Variants in AARS2 observed in about 807,000 individuals in gnomAD.
AARS2 encodes the protein alanine--tRNA ligase, mitochondrial.
In AARS2, 78 loss-of-function variants were observed where a neutral mutation model predicts 119.7. That is an observed-to-expected ratio of 0.65 (90% CI 0.54 to 0.79). The LOEUF is 0.79. Ranked by LOEUF, AARS2 falls within the 30% of genes least tolerant of loss-of-function variation. The pLI, the probability that AARS2 is intolerant of heterozygous loss-of-function variation, is 0.00. For synonymous variants in AARS2, 502 were observed against 526.3 expected (o/e 0.95, Z 0.63); for missense variants, 1,157 against 1,291.3 (o/e 0.90, Z 1.59).
At chr6:44,300,765 TCCACTCAAGGTA>T in intron 21 of AARS2, 54 bp from the exon 22 acceptor site, 1 of 1,593,372 alleles carries the variant, frequency 6.3e-7, no homozygotes, top group Admixed American at 1.7e-5. Flanking sequence ...CCTGCCAGCA[TCCACTCAAGGTA>T]CCCTCAAGAG....
chr6:44,311,210 T>C, intron 3 of AARS2, 49 bp from the exon 4 acceptor site: 1 of 1,611,906 alleles, frequency 6.2e-7, no homozygotes, highest in East Asian at 2.2e-5. Context: ...ACCCAGAAGC[T>C]GGGACTCTCT....
chr6:44,303,254 C>T (rs368960380), intron 15 of AARS2, 32 bp downstream of exon 15: 13 of 1,614,080 alleles, frequency 8.1e-6, no homozygotes, highest in South Asian at 4.4e-5. Flanking sequence ...AGGAGGCCCC[C>T]GATCTCCAGC....
At chr6:44,304,060 T>C (rs1785605253) in intron 14 of AARS2, 121 bp downstream of exon 14, 1 of 1,441,710 alleles carries the variant, frequency 6.9e-7, no homozygotes, top group South Asian at 1.2e-5. Flanking sequence ...GGTCCCATAG[T>C]GATTGGGTGG....
chr6:44,303,530 A>G (rs1054134118), intron 14 of AARS2, 107 bp from the exon 15 acceptor site: 33 of 1,542,668 alleles, frequency 2.1e-5, no homozygotes, highest in Non-Finnish European at 2.8e-5. Context: ...CCCAGGTTCT[A>G]GAATAGTGGC....
Position 44,303,350 on chromosome 6 carries a change from A to G in AARS2, c.2081T>C (p.Val694Ala). 6.2e-7 allele frequency: 1 copy of G among 1,613,984 alleles called. No homozygotes were observed. The highest frequency in any genetic ancestry group is 8.5e-7 in the Non-Finnish European group (1 of 1,180,020). The change falls in exon 15 of 22, where the codon GTG becomes GCG. Residue 694 changes from valine (V) to alanine (A), a missense_variant. Physicochemically the swap from Val to Ala is moderately conservative, Grantham distance 64 (BLOSUM62 0). Coordinates refer to ENST00000244571, the MANE Select transcript of AARS2 (RefSeq NM_020745.4). ...CGCCAGGGGCACCTCCTCCATGTAC[A>G]CAGCCTCATCCTGCCCCACGGCCTC... ...VQEAVGQDEAVYMEEVPLALT... is the reference protein window; with the variant it reads ...VQEAVGQDEAAYMEEVPLALT...
In AARS2 at chr6:44,305,908, C is replaced by T. The variant is rs1057173153; in HGVS notation, c.1301-122G>A. 1.4e-5 allele frequency: 17 copies of T among 1,212,030 alleles called. No individual in the cohort carries two copies. The highest frequency in any genetic ancestry group is 2.3e-5 in the East Asian group (1 of 42,660). The allele number at this position is 1,212,030 out of a possible 1,614,324, so 75.1% of individuals were successfully genotyped here. On this transcript the variant is annotated intron_variant, in intron 9 of 21. Coordinates refer to ENST00000244571, the MANE Select transcript of AARS2 (RefSeq NM_020745.4). This position sits in a 1 kb window ranked among gnomAD's most constrained non-coding sequence, Gnocchi z 4.6. ...CCACCAGATGCCAAACACAAATACC[C>T]GCTCCATACTGGGTAGCCTCAGGAG...
rs779332260 is a variant in AARS2, at chr6:44,300,633, G to A, written c.2872C>T (p.Arg958Ter). Reference sequence around the variant, plus strand: ...CTTCCGGTGCCTTGGGCCACCACTCGTGAGCCCCACGCCTTGCCCCCCATG... The same window carrying A: ...CTTCCGGTGCCTTGGGCCACCACTCATGAGCCCCACGCCTTGCCCCCCATG... ...SHMGGKAWGS[R>*]VVAQGTGSTT... The change falls in exon 22 of 22, where the codon CGA (arginine) becomes TGA (stop). Residue 958 changes from arginine (R) to a stop codon, truncating the protein, a stop_gained. Transcript: ENST00000244571. LOFTEE classifies it high-confidence loss of function. 1.4e-5 allele frequency: 22 copies of A among 1,613,836 alleles called. No individual in the cohort carries two copies. The highest frequency in any genetic ancestry group is 5.3e-5 in the African/African-American group (4 of 74,934).
chr6:44,309,166 C>T (rs1337463548), intron 5 of AARS2, among the ~76,000 whole-genome samples: 1 of 152,222 alleles, frequency 6.6e-6, no homozygotes, highest in East Asian at 1.9e-4. Flanking sequence ...GCCTATGTGT[C>T]TGCTCTCTGT....
In AARS2 at chr6:44,304,546, A is replaced by G. The variant is rs80339975; in HGVS notation, c.1753-13T>C. The G allele has an allele frequency of 2.9e-3, 4,706 of 1,614,098 alleles. 113 individuals are homozygous for G. The African/African-American group carries it at 0.055, about 19-fold the overall frequency. On this transcript the variant is annotated splice_polypyrimidine_tract_variant and intron_variant, in intron 12 of 21. Transcript: ENST00000244571. ...GGAACAGCACGTCCTGAGGGAGGGT[A>G]GTGGTCAAGGTGCCTGTAGCCTTTC...
Position 44,304,865 on chromosome 6 carries a change from G to A in AARS2, c.1580-48C>T, listed in dbSNP as rs76002081. The A allele has an allele frequency of 2.0e-3, 3,224 of 1,612,880 alleles. 38 individuals are homozygous for A. In the African/African-American group the frequency reaches 0.037, roughly 19 times the overall value. ...TTAGTGGTGGGCAGGGGCTGGGGAC[G>A]TGAAGGTGGGTCTGTGCCTGGAGGC... On this transcript the variant is annotated intron_variant, in intron 11 of 21. Transcript: ENST00000244571.
rs1785802747 is a variant in AARS2 at position 44,305,906 on chromosome 6, C to T, written c.1301-120G>A. ...AGCCACCAGATGCCAAACACAAATA[C>T]CCGCTCCATACTGGGTAGCCTCAGG... On this transcript the variant is annotated intron_variant, in intron 9 of 21. Coordinates refer to ENST00000244571, the MANE Select transcript of AARS2 (RefSeq NM_020745.4). This position sits in a 1 kb window ranked among gnomAD's most constrained non-coding sequence, Gnocchi z 4.6. 8.1e-7 allele frequency: 1 copy of T among 1,236,202 alleles called. No homozygotes were observed. The highest frequency in any genetic ancestry group is 1.5e-5 in the African/African-American group (1 of 67,490). 76.6% of individuals were successfully genotyped at this position (1,236,202 alleles called of 1,614,324 possible). A position where few individuals can be genotyped will look rare whatever the true frequency, so the allele number is the denominator to read the frequency against.
chr6:44,306,420 G>C (rs1281042173), intron 8 of AARS2, 29 bp from the exon 9 acceptor site: 1 of 1,613,828 alleles, frequency 6.2e-7, no homozygotes, highest in African/African-American at 1.3e-5. Flanking sequence ...AAGTGGAGCT[G>C]GGTCTCCTTG....
rs756586709 is a variant in AARS2, at chr6:44,312,054, T to C, written c.435+18A>G. The C allele has an allele frequency of 3.1e-6, 5 of 1,613,022 alleles. No individual in the cohort carries two copies. The South Asian group carries it at 4.4e-5, about 14-fold the overall frequency. On this transcript the variant is annotated intron_variant, in intron 2 of 21. Transcript: ENST00000244571. Reference sequence around the variant, plus strand: ...ATTGACTCCCTTCTTGGCTGATCACTGATCCCCAGAGACTCACCTTAAAAT... The same window carrying C: ...ATTGACTCCCTTCTTGGCTGATCACCGATCCCCAGAGACTCACCTTAAAAT...
Position 44,300,266 on chromosome 6 carries a change from A to C in AARS2, c.*281T>G, listed in dbSNP as rs1785254347. 2.0e-6 allele frequency: 1 copy of C among 496,082 alleles called. No individual in the cohort carries two copies. 30.7% of individuals were successfully genotyped at this position (496,082 alleles called of 1,614,324 possible). ...AGTGCTTGGATTACAGGTGTGAACC[A>C]CCACACCCGGCCAGTGAAATAATTT... On this transcript the variant is annotated 3_prime_UTR_variant, in exon 22 of 22. Coordinates refer to ENST00000244571, the MANE Select transcript of AARS2 (RefSeq NM_020745.4).
chr6:44,304,390 G>C lies in AARS2; in HGVS notation c.1866+30C>G, dbSNP rs974861526. The stretch of plus-strand genomic sequence containing the variant: ...GTTGGGAGAGTGAAGGGGCTGCAGG[G>C]TATTGGGAACAGTTAGGGAGGATCC... On this transcript the variant is annotated intron_variant, in intron 13 of 21. Transcript: ENST00000244571. 1.2e-5 allele frequency: 19 copies of C among 1,614,118 alleles called. No individual in the cohort carries two copies. The East Asian group carries it at 4.2e-4, about 36-fold the overall frequency.
In AARS2 at chr6:44,299,459, T is replaced by G. The variant is rs1465191493; in HGVS notation, c.*1088A>C. ...CTTTTTTTTTTTTTTGTAGACAGGG[T>G]CTTGCTGTTTGCGCAGGCTGGTCTT... On this transcript the variant is annotated 3_prime_UTR_variant, in exon 22 of 22. Transcript: ENST00000244571. 6.7e-6 allele frequency among the ~76,000 whole-genome samples: 1 copy of G among 150,298 alleles called. No homozygotes were observed. Among genetic ancestry groups the G allele is most frequent in the Non-Finnish European group, 1.5e-5 (1 of 67,698 alleles).
intron 5 of AARS2, 61 bp downstream of exon 5, chr6:44,310,238 A>G (rs1786228122): frequency 2.0e-6 from 3 of 1,537,922 alleles, no homozygotes; most frequent in African/African-American, 1.4e-5. Context: ...GATGGAATGC[A>G]ATGGGGCTGA....
Position 44,302,479 on chromosome 6 carries a change from A to G in AARS2, c.2399T>C (p.Val800Ala). Reference sequence around the variant, plus strand: ...ACTCAGCCGCTCAGTGGCCGCTTTCACTTCCTGGGCCAGGCTCTGGCCTAG... The same window carrying G: ...ACTCAGCCGCTCAGTGGCCGCTTTCGCTTCCTGGGCCAGGCTCTGGCCTAG... Reference protein sequence around the residue: ...RELGQSLAQEVKAATERLSLG... With the variant: ...RELGQSLAQEAKAATERLSLG... The change falls in exon 18 of 22, where the codon GTG becomes GCG. Residue 800 changes from valine to alanine, a missense_variant. Transcript: ENST00000244571. 5.6e-6 allele frequency: 9 copies of G among 1,614,006 alleles called. No individual in the cohort carries two copies. Among genetic ancestry groups the G allele is most frequent in the Non-Finnish European group, 7.6e-6 (9 of 1,180,002 alleles).
intron 14 of AARS2, 151 bp downstream of exon 14, chr6:44,304,030 A>G (rs1350884978): frequency 3.5e-6 from 4 of 1,145,916 alleles, no homozygotes; most frequent in East Asian, 5.0e-5. Context: ...AAGGAGCCCA[A>G]GGGGAAAGGA....
Sources: gnomAD v4.1 joint callset for allele counts (sites outside exome capture counted in the v4.1 genomes callset) on GRCh38, gnomAD v4.1.1 for gene constraint, Gnocchi (gnomAD v3.1) non-coding constraint, MANE v1.5 for transcripts, NCBI Gene and HGNC (gene_info 2026-07-23, HGNC 2026-07-21) for gene names.